DPP6: variants seen among roughly 807,000 people sequenced by gnomAD.
DPP6 encodes dipeptidyl peptidase like 6.
In DPP6, 69 loss-of-function variants were observed where a neutral mutation model predicts 122.6. The observed-to-expected ratio is 0.56, with a 90% CI of 0.46 to 0.69. DPP6 has a LOEUF of 0.69. Among genes scored for constraint, DPP6 ranks in the 30% least tolerant of loss-of-function variants. The pLI is 0.00. For missense variants in DPP6, 928 were observed against 1,116.9 expected, an observed-to-expected ratio of 0.83 and a Z score of 2.41; for synonymous variants, 418 against 433.1, an observed-to-expected ratio of 0.97 and a Z score of 0.43.
chr7:154,581,409 C>T (rs912850798), intron 5 of DPP6, among the ~76,000 whole-genome samples: 1 of 152,170 alleles, frequency 6.6e-6, no homozygotes, highest in Non-Finnish European at 1.5e-5. Context: ...CCCTGCCTGC[C>T]ATGGTCCTCC....
At chr7:154,226,091 C>T (rs1800583029) in intron 1 of DPP6, among the ~76,000 whole-genome samples, 1 of 152,102 alleles carries the variant, frequency 6.6e-6, no homozygotes, top group Admixed American at 6.6e-5. Flanking sequence ...AACCTTGAGA[C>T]TCACAGGAGA....
chr7:154,503,881 G>A (rs1200444869), intron 3 of DPP6, among the ~76,000 whole-genome samples: 1 of 152,158 alleles, frequency 6.6e-6, no homozygotes, highest in Non-Finnish European at 1.5e-5. Flanking sequence ...GTTGATCTGT[G>A]CAGCAAATCA....
intron 8 of DPP6, among the ~76,000 whole-genome samples, chr7:154,766,908 G>A (rs1212600258): frequency 6.6e-6 from 1 of 152,070 alleles, no homozygotes; most frequent in African/African-American, 2.4e-5. Flanking sequence ...GGTGACCCTT[G>A]CCCCCCCTTG....
rs751501225 is a variant in DPP6, at chr7:154,688,551, C to A, written c.762+19110C>A. ...CTAACAGGATATATATATTAACTTA[C>A]ACGATCACAAGGTCCCATAATAGGC... On this transcript the variant is annotated intron_variant, in intron 7 of 25. Transcript: ENST00000377770. Among the ~76,000 whole-genome samples the A allele has an allele frequency of 3.9e-5, 6 of 152,076 alleles. No homozygotes were observed. In the South Asian group the frequency reaches 1.2e-3, roughly 32 times the overall value.
chr7:154,321,784 C>CA (rs1180440495), intron 1 of DPP6, among the ~76,000 whole-genome samples: 1,280 of 62,586 alleles, frequency 0.02, 21 homozygotes, highest in East Asian at 0.045. Flanking sequence ...GACTCTGTCT[C>CA]AAAAAAAAAA....
At position 154,668,499 on chromosome 7, in the gene DPP6, G is replaced by A. The variant is rs551287404; in HGVS notation, c.681-861G>A. On this transcript the variant is annotated intron_variant, in intron 6 of 25. Coordinates refer to ENST00000377770, the MANE Select transcript of DPP6 (RefSeq NM_130797.4). ...CTCCCAAAGTGCTGGGATTACAAGC[G>A]TGAGCCACCGCGCTCAGCCCCACAT... is the stretch of plus-strand genomic sequence containing the variant. 1.6e-3 allele frequency among the ~76,000 whole-genome samples: 240 copies of A among 151,846 alleles called. 1 individual carries two copies. The highest frequency in any genetic ancestry group is 4.8e-3 in the South Asian group (23 of 4,810).
At chr7:154,773,001 G>A in intron 10 of DPP6, 59 bp downstream of exon 10, 1 of 1,479,042 alleles carries the variant, frequency 6.8e-7, no homozygotes, top group Non-Finnish European at 9.0e-7. Flanking sequence ...AATGTTCAAT[G>A]TGCATGGTCT....
chr7:154,838,833 A>C (rs1209808761), intron 16 of DPP6: 5 of 152,250 alleles, frequency 3.3e-5, no homozygotes, highest in Admixed American at 2.0e-4. Flanking sequence ...CCCTCGAGGA[A>C]AAGAGGATGG....
chr7:154,257,369 TC>T (rs1013087584), intron 1 of DPP6, among the ~76,000 whole-genome samples: 4 of 152,026 alleles, frequency 2.6e-5, no homozygotes, highest in African/African-American at 9.7e-5. Flanking sequence ...TGGATTCCCT[TC>T]GGCCTATGAA....
chr7:154,211,338 T>C (rs995080867), intron 1 of DPP6, among the ~76,000 whole-genome samples: 1 of 152,118 alleles, frequency 6.6e-6, no homozygotes, highest in South Asian at 2.1e-4. Context: ...CATAGGTTCA[T>C]GAGGAGGAAA....
the DPP6 span, among the ~76,000 whole-genome samples, chr7:153,782,557 G>A: frequency 6.6e-6 from 1 of 152,180 alleles, no homozygotes; most frequent in South Asian, 2.1e-4. Context: ...CCCTTTCTGT[G>A]TAGGTTGTGT....
chr7:154,382,343 G>C (rs970532610), intron 1 of DPP6, among the ~76,000 whole-genome samples: 1 of 151,972 alleles, frequency 6.6e-6, no homozygotes, highest in Admixed American at 6.5e-5. Flanking sequence ...CGCCACCACA[G>C]GGCATCCTGT....
rs562857761 is a variant in DPP6, at chr7:154,158,497, T to C, written c.243+105434T>C. Reference sequence around the variant, plus strand: ...AAAAAAAATCTCCTAAATTTCTGAATGCAAAACATTACTATATTTTGAGGC... The same window carrying C: ...AAAAAAAATCTCCTAAATTTCTGAACGCAAAACATTACTATATTTTGAGGC... On this transcript the variant is annotated intron_variant, in intron 1 of 25. Transcript: ENST00000377770. 9.3e-4 allele frequency among the ~76,000 whole-genome samples: 142 copies of C among 151,928 alleles called. 1 individual carries two copies. Among genetic ancestry groups the C allele is most frequent in the Non-Finnish European group, 1.8e-3 (123 of 67,988 alleles).
At chr7:154,305,622 G>A in intron 1 of DPP6, 2 of 1,532,934 alleles carry the variant, frequency 1.3e-6, no homozygotes, top group African/African-American at 1.4e-5. Flanking sequence ...GTGTGTGCAT[G>A]AGAGAGACAG....
chr7:153,957,246 G>A (rs918424799), intron 1 of DPP6, among the ~76,000 whole-genome samples: 2 of 152,178 alleles, frequency 1.3e-5, no homozygotes, highest in East Asian at 3.9e-4. Flanking sequence ...CAGAATGTGA[G>A]GGAGAAGGTG....
intron 5 of DPP6, among the ~76,000 whole-genome samples, chr7:154,609,557 A>T (rs766214656): frequency 6.6e-6 from 1 of 152,138 alleles, no homozygotes; most frequent in Non-Finnish European, 1.5e-5. Flanking sequence ...TTTCTAGATC[A>T]CTCTGTCTCT....
intron 9 of DPP6, among the ~76,000 whole-genome samples, chr7:154,770,439 G>A (rs1587086265): frequency 6.6e-6 from 1 of 152,180 alleles, no homozygotes. Context: ...ATGAGATTTG[G>A]GTGGGGACAC....
In DPP6 at chr7:154,889,237, C is replaced by A. The variant is rs755261303; in HGVS notation, c.2305-35C>A. The A allele has an allele frequency of 3.7e-6, 6 of 1,607,084 alleles. No homozygotes were observed. The South Asian group carries it at 4.5e-5, about 12-fold the overall frequency. ...AACACCTGGCTCCCTGCAGTGCAGCCCCCTAACTCTGTCCCCTTGCCCCCG... is the reference window on the plus strand; with the variant it reads ...AACACCTGGCTCCCTGCAGTGCAGCACCCTAACTCTGTCCCCTTGCCCCCG... On this transcript the variant is annotated intron_variant, in intron 23 of 25. Transcript: ENST00000377770.
At chr7:154,693,831 G>A (rs904905145) in intron 7 of DPP6, among the ~76,000 whole-genome samples, 2 of 152,154 alleles carry the variant, frequency 1.3e-5, no homozygotes, top group South Asian at 2.1e-4. Context: ...AGTCTAGAAG[G>A]CCTGGAAGTT....
Sources: gnomAD v4.1 joint callset for allele counts (sites outside exome capture counted in the v4.1 genomes callset) on GRCh38, gnomAD v4.1.1 for gene constraint, MANE v1.5 for transcripts, NCBI Gene and HGNC (gene_info 2026-07-23, HGNC 2026-07-21) for gene names.